Variants in FANCB observed in about 807,000 individuals in gnomAD.
FANCB encodes the protein Fanconi anemia group B protein.
FANCB carries 5 observed loss-of-function variants against 38.9 expected under a neutral mutation model. That is an observed-to-expected ratio of 0.13 (90% CI 0.07 to 0.27). The LOEUF (loss-of-function observed/expected upper bound fraction) is 0.27, where lower values mean the gene tolerates loss of function less well. FANCB is among the 10% of genes least tolerant of loss of function. FANCB has a pLI of 1.00. For missense variants in FANCB, 573 were observed against 602.7 expected (o/e 0.95, Z 0.52); for synonymous variants, 236 against 215.4 (o/e 1.10, Z -0.84).
the FANCB span, among the ~76,000 whole-genome samples, chrX:14,696,696 C>T: frequency 9.1e-3 from 1,016 of 111,672 alleles, 13 homozygotes; most frequent in African/African-American, 0.032. Context: ...TCAGAGACGC[C>T]AAAGGATCTG....
chrX:14,844,050 T>C, intron 9 of FANCB, 69 bp from the exon 10 acceptor site: 1 of 853,547 alleles, frequency 1.2e-6, no homozygotes, highest in Non-Finnish European at 1.7e-6. Context: ...TACAATATAC[T>C]GCAGTAATCA....
intron 10 of FANCB, chrX:14,836,316 T>C (rs933262812): frequency 4.5e-5 from 5 of 111,839 alleles, no homozygotes; most frequent in Non-Finnish European, 9.4e-5. Context: ...TTTTGCAAGA[T>C]GAAAAAGTTC....
At chrX:14,837,400 A>T (rs2092344107) in intron 10 of FANCB, among the ~76,000 whole-genome samples, 1 of 112,521 alleles carries the variant, frequency 8.9e-6, no homozygotes, top group Non-Finnish European at 1.9e-5. Context: ...AAAAGTCCCT[A>T]AAACATGAAC....
chrX:14,829,188 T>C, the FANCB span, among the ~76,000 whole-genome samples: 1 of 112,151 alleles, frequency 8.9e-6, no homozygotes, highest in African/African-American at 3.2e-5. Flanking sequence ...CAATGAGCAG[T>C]AATATTTTGC....
the FANCB span, among the ~76,000 whole-genome samples, chrX:14,746,615 G>A: frequency 1.4e-3 from 157 of 111,725 alleles, no homozygotes; most frequent in African/African-American, 4.2e-3. Flanking sequence ...GAAACAAAGC[G>A]GACCCTAGAA....
chrX:14,795,732 T>C, the FANCB span, among the ~76,000 whole-genome samples: 2 of 111,755 alleles, frequency 1.8e-5, no homozygotes, highest in Admixed American at 9.6e-5. Context: ...AGAACAATAT[T>C]ATGTCCCAAA....
chrX:14,845,406 CATTTCAAATGTAAAAT>C lies in FANCB; in HGVS notation c.1497-136_1497-121del, dbSNP rs2092372309. The C allele has an allele frequency of 5.3e-6, 3 of 571,281 alleles. No homozygotes were observed. In the Admixed American group the frequency reaches 9.7e-5, roughly 18 times the overall value. The allele number at this position is 571,281 out of a possible 1,213,427, so 47.1% of individuals were successfully genotyped here. A position where few individuals can be genotyped will look rare whatever the true frequency, so the allele number is the denominator to read the frequency against. On this transcript the variant is annotated intron_variant, in intron 7 of 9. Transcript: ENST00000650831. ...TATTCTTTCCTTTCCTAGAAAACATCATTTCAAATGTAAAATATATCAAAAAGTTAAGAGTAAAAGC... is the reference window on the plus strand; with the variant it reads ...TATTCTTTCCTTTCCTAGAAAACATCATATCAAAAAGTTAAGAGTAAAAGC...
At chrX:14,819,020 A>G in the FANCB span, among the ~76,000 whole-genome samples, 11 of 112,733 alleles carry the variant, frequency 9.8e-5, no homozygotes, top group Non-Finnish European at 1.9e-4. Context: ...ATTAATATTC[A>G]AATCCACACC....
the FANCB span, among the ~76,000 whole-genome samples, chrX:14,820,523 T>C: frequency 8.9e-6 from 1 of 112,162 alleles, no homozygotes; most frequent in Admixed American, 9.5e-5. Context: ...ACAAGGACTT[T>C]GTAAGAGTTT....
At chrX:14,708,330 C>T in the FANCB span, among the ~76,000 whole-genome samples, 3 of 111,680 alleles carry the variant, frequency 2.7e-5, no homozygotes, top group African/African-American at 9.8e-5. Context: ...TAAACAAATT[C>T]ACCTGACCAT....
chrX:14,738,174 A>G, the FANCB span, among the ~76,000 whole-genome samples: 2 of 112,367 alleles, frequency 1.8e-5, no homozygotes, highest in African/African-American at 6.5e-5. Context: ...TCTAGACTAC[A>G]TTCAGTGAAA....
chrX:14,862,345 G>T (rs988074977), intron 3 of FANCB: 2 of 111,323 alleles, frequency 1.8e-5, no homozygotes, highest in African/African-American at 6.5e-5. Flanking sequence ...TAGGGGGTAA[G>T]TCAGTAGGGA....
At chrX:14,782,239 G>C in the FANCB span, among the ~76,000 whole-genome samples, 1 of 111,816 alleles carries the variant, frequency 8.9e-6, no homozygotes, top group Non-Finnish European at 1.9e-5. Flanking sequence ...GACATTCAAA[G>C]ATGGGGCAGA....
intron 4 of FANCB, 39 bp downstream of exon 4, chrX:14,859,142 TG>T (rs748044233): frequency 2.0e-5 from 20 of 985,379 alleles, no homozygotes; most frequent in Non-Finnish European, 2.8e-5. Context: ...TTTTCTAAAA[TG>T]GTTCTTAAAA....
chrX:14,802,241 G>A, the FANCB span, among the ~76,000 whole-genome samples: 2 of 111,253 alleles, frequency 1.8e-5, no homozygotes, highest in Non-Finnish European at 1.9e-5. Flanking sequence ...ACTTCAGGTA[G>A]AGAAAAAAAT....
chrX:14,779,149 G>A, the FANCB span, among the ~76,000 whole-genome samples: 1 of 112,054 alleles, frequency 8.9e-6, no homozygotes, highest in East Asian at 2.8e-4. Flanking sequence ...AAATACCCAA[G>A]CAAGACAAAA....
At chrX:14,835,186 G>A (rs774094914), downstream of FANCB, 18 of 525,456 alleles carry the variant, frequency 3.4e-5, no homozygotes, top group Middle Eastern at 1.1e-3. Context: ...TAAACAGACC[G>A]TTCTTAAAGA....
At chrX:14,834,592 T>C (rs1482323494), downstream of FANCB, 3 of 540,366 alleles carry the variant, frequency 5.6e-6, no homozygotes, top group Admixed American at 2.4e-5. Context: ...CCTTTTTCTA[T>C]GCTTGCTTGC....
chrX:14,703,740 A>G, the FANCB span, among the ~76,000 whole-genome samples: 1 of 111,705 alleles, frequency 9.0e-6, no homozygotes, highest in African/African-American at 3.3e-5. Context: ...CCCTCAACCA[A>G]TGAGAACTGG....
Sources: allele counts gnomAD v4.1 joint callset (sites outside exome capture counted in the v4.1 genomes callset), GRCh38; gene constraint gnomAD v4.1.1; transcripts MANE v1.5; gene names NCBI Gene and HGNC (gene_info 2026-07-23, HGNC 2026-07-21).